The following MTSS2 variants were observed in gnomAD, a reference collection of about 807,000 sequenced individuals.
MTSS2 encodes protein MTSS 2.
Under a neutral mutation model 67.1 loss-of-function variants are expected in MTSS2, and 27 were observed. The ratio of observed to expected loss-of-function variants is 0.40; its 90% confidence interval spans 0.30 to 0.55. The LOEUF (loss-of-function observed/expected upper bound fraction) is 0.55, where lower values mean the gene tolerates loss of function less well. MTSS2 is among the 20% of genes least tolerant of loss of function. MTSS2 has a pLI of 0.43. For missense variants in MTSS2, 1,171 were observed against 1,067.8 expected, an observed-to-expected ratio of 1.10 and a Z score of -1.35; for synonymous variants, 624 against 468.6, an observed-to-expected ratio of 1.33 and a Z score of -4.28.
Position 70,676,905 on chromosome 16 carries a change from C to T in MTSS2, c.806G>A (p.Ser269Asn). ...CCTGCACATGCTGGACTTCCGGGAG[C>T]TGGAGCTGCTGGGTGATGAGGGTGG... ...QTPPSSPSSSSSRKSSMCSAP... is the reference protein window; with the variant it reads ...QTPPSSPSSSNSRKSSMCSAP... The change falls in exon 10 of 15, where the codon AGC becomes AAC. Residue 269 changes from serine (S) to asparagine (N), a missense_variant. By Grantham distance (46) the Ser-to-Asn change is conservative. Coordinates refer to ENST00000338779, the MANE Select transcript of MTSS2 (RefSeq NM_138383.3). 2 of 1,613,646 alleles carry T rather than the reference C, an allele frequency of 1.2e-6. No individual in the cohort carries two copies. The highest frequency in any genetic ancestry group is 1.1e-5 in the South Asian group (1 of 91,064).
rs1252481279 is a variant in MTSS2 at position 70,664,906 on chromosome 16, C to T, written c.1305+14G>A. On this transcript the variant is annotated intron_variant, in intron 13 of 14. Transcript: ENST00000338779. ...GACTGACCTGGGCGTGAAGGGGGGC[C>T]CTGGCCAGCCTACCTTGGCTGCGAT... 6.5e-7 allele frequency: 1 copy of T among 1,533,756 alleles called. No homozygotes were observed. The highest frequency in any genetic ancestry group is 8.7e-7 in the Non-Finnish European group (1 of 1,144,310).
intron 4 of MTSS2, 44 bp downstream of exon 4, chr16:70,679,927 G>GCC: frequency 3.4e-6 from 5 of 1,491,298 alleles, no homozygotes; most frequent in Non-Finnish European, 4.5e-6. Context: ...CCCCCGCGAC[G>GCC]CCCCGTCCCC....
At position 70,684,000 on chromosome 16, in the gene MTSS2, G is replaced by C. The variant is rs921440298; in HGVS notation, c.69+1723C>G. On this transcript the variant is annotated intron_variant, in intron 1 of 14. Transcript: ENST00000338779. ...CTCCACATGTCAGCAAATCATGCCC[G>C]ATGTCTGGCTTGAACCTCTTGCTAT... Among the ~76,000 whole-genome samples the C allele has an allele frequency of 4.6e-5, 7 of 152,198 alleles. No individual in the cohort carries two copies. In the East Asian group the frequency reaches 1.3e-3, roughly 29 times the overall value.
At chr16:70,677,220 G>T (rs187210355) in intron 9 of MTSS2, among the ~76,000 whole-genome samples, 1 of 152,192 alleles carries the variant, frequency 6.6e-6, no homozygotes, top group Non-Finnish European at 1.5e-5. Flanking sequence ...TGGGCTGGGC[G>T]AGAGTGACCC....
intron 8 of MTSS2, 81 bp from the exon 9 acceptor site, chr16:70,677,980 C>T: frequency 8.3e-7 from 1 of 1,204,588 alleles, no homozygotes; most frequent in South Asian, 1.4e-5. Context: ...AGCAGCAGCC[C>T]TTGTCGGGCC....
At chr16:70,684,641 G>C (rs1028316445) in intron 1 of MTSS2, among the ~76,000 whole-genome samples, 11 of 152,194 alleles carry the variant, frequency 7.2e-5, no homozygotes, top group African/African-American at 2.7e-4. Context: ...TGTGGGGGTG[G>C]GGGCCCTTGG....
intron 11 of MTSS2, among the ~76,000 whole-genome samples, chr16:70,671,397 G>T (rs1346061019): frequency 6.8e-6 from 1 of 147,564 alleles, no homozygotes; most frequent in African/African-American, 2.5e-5. Context: ...GCGAGAGTCT[G>T]TGTCAAAAAA....
intron 11 of MTSS2, among the ~76,000 whole-genome samples, chr16:70,669,646 T>C (rs1597806342): frequency 6.6e-6 from 1 of 151,900 alleles, no homozygotes; most frequent in South Asian, 2.1e-4. Flanking sequence ...TGAAACCCCG[T>C]CTCTACTAAA....
At position 70,663,970 on chromosome 16, in the gene MTSS2, C is replaced by G; in HGVS notation, c.1951G>C (p.Glu651Gln). Residue 651 changes from glutamate to glutamine, a missense_variant, in exon 15 of 15, where the codon GAG becomes CAG. Glu to Gln is a conservative substitution (Grantham distance 29). Coordinates refer to ENST00000338779, the MANE Select transcript of MTSS2 (RefSeq NM_138383.3). ...CCTGCCCCGGGGTACCCGGCTGCCT[C>G]TGGGGATGGGCTGCCCCAGGCTGTG... ...PNTAWGSPSP[E>Q]AAGYPGAGAE... 6.3e-7 allele frequency: 1 copy of G among 1,575,674 alleles called. No homozygotes were observed. Among genetic ancestry groups the G allele is most frequent in the Non-Finnish European group, 8.6e-7 (1 of 1,162,280 alleles).
Position 70,661,572 on chromosome 16 carries a change from T to TG in MTSS2, c.*2104dup. On this transcript the variant is annotated 3_prime_UTR_variant, in exon 15 of 15. Coordinates refer to ENST00000338779, the MANE Select transcript of MTSS2 (RefSeq NM_138383.3). ...GTCCCCCAAACCAAAGTTTGTGATG[T>TG]GGGATGGTTGGCTCGGATCCCGAGG... 1 of 351,366 alleles carries TG rather than the reference T, an allele frequency of 2.8e-6. No individual in the cohort carries two copies. The highest frequency in any genetic ancestry group is 2.2e-5 in the South Asian group (1 of 46,438). 21.8% of individuals were successfully genotyped at this position (351,366 alleles called of 1,614,324 possible).
chr16:70,674,951 A>G (rs565842330), intron 10 of MTSS2, among the ~76,000 whole-genome samples: 1 of 152,170 alleles, frequency 6.6e-6, no homozygotes, highest in Admixed American at 6.5e-5. Flanking sequence ...CATCACCACT[A>G]AAAATGCAAA....
intron 11 of MTSS2, among the ~76,000 whole-genome samples, chr16:70,668,387 G>GA (rs748168060): frequency 1.5e-4 from 23 of 148,992 alleles, no homozygotes; most frequent in Non-Finnish European, 1.0e-4. Flanking sequence ...CAGCCTGGGG[G>GA]ACAGAGTGAG....
Position 70,679,337 on chromosome 16 carries a change from G to A in MTSS2, c.458-14C>T. On this transcript the variant is annotated splice_polypyrimidine_tract_variant and intron_variant, in intron 6 of 14. Coordinates refer to ENST00000338779, the MANE Select transcript of MTSS2 (RefSeq NM_138383.3). ...TACCAAGTAGCTCTACAGGAAGGAT[G>A]TGGGAGGAGAGGAGGAGAGACAGAG... The A allele has an allele frequency of 6.2e-7, 1 of 1,613,850 alleles. No homozygotes were observed. The highest frequency in any genetic ancestry group is 8.5e-7 in the Non-Finnish European group (1 of 1,179,810).
Position 70,685,887 on chromosome 16 carries a change from G to T in MTSS2, c.-96C>A. 1.8e-6 allele frequency: 1 copy of T among 546,662 alleles called. No homozygotes were observed. The highest frequency in any genetic ancestry group is 2.3e-6 in the Non-Finnish European group (1 of 429,772). The allele number at this position is 546,662 out of a possible 1,614,324, so 33.9% of individuals were successfully genotyped here. Reference sequence around the variant, plus strand: ...CAGGCCGCGCGGGCGCTCGCTCCGAGGCCGGGCCGGGCCTCCCGCCTCCAG... The same window carrying T: ...CAGGCCGCGCGGGCGCTCGCTCCGATGCCGGGCCGGGCCTCCCGCCTCCAG... On this transcript the variant is annotated 5_prime_UTR_variant, in exon 1 of 15. Transcript: ENST00000338779.
intron 3 of MTSS2, 63 bp from the exon 4 acceptor site, chr16:70,680,118 C>T (rs927507413): frequency 1.7e-6 from 2 of 1,189,494 alleles, no homozygotes; most frequent in Admixed American, 4.5e-5. Flanking sequence ...CGGCCTCGGG[C>T]CAGGAGGGGG....
chr16:70,680,003 G>A lies in MTSS2; in HGVS notation c.258C>T (p.Arg86=). 1 of 1,541,504 alleles carries A rather than the reference G, an allele frequency of 6.5e-7. No homozygotes were observed. Among genetic ancestry groups the A allele is most frequent in the Non-Finnish European group, 8.7e-7 (1 of 1,152,552 alleles). ...SALTRMCMRH[R]SIETKLRQFT... ...ACTGCCGCAGCTTGGTCTCGATGCT[G>A]CGGTGGCGCATGCACATGCGTGTGA... Residue 86 remains arginine, a synonymous_variant, in exon 4 of 15, where the codon CGC becomes CGT. Coordinates refer to ENST00000338779, the MANE Select transcript of MTSS2 (RefSeq NM_138383.3).
intron 11 of MTSS2, among the ~76,000 whole-genome samples, chr16:70,667,538 GA>G (rs1450738275): frequency 6.6e-6 from 1 of 152,040 alleles, no homozygotes; most frequent in Non-Finnish European, 1.5e-5. Flanking sequence ...AATACCTAGG[GA>G]AAAAATTCCA....
rs955958825 is a variant in MTSS2 at position 70,673,890 on chromosome 16, C to T, written c.1053+416G>A. Among the ~76,000 whole-genome samples the T allele has an allele frequency of 7.9e-5, 12 of 152,118 alleles. No homozygotes were observed. In the East Asian group the frequency reaches 2.1e-3, roughly 27 times the overall value. The stretch of plus-strand genomic sequence containing the variant: ...ATAAAAGAAAAGAGACAGAATATAA[C>T]TTACAATCCAGCAGACGGGGAATAA... On this transcript the variant is annotated intron_variant, in intron 11 of 14. Coordinates refer to ENST00000338779, the MANE Select transcript of MTSS2 (RefSeq NM_138383.3).
rs79517074 is a variant in MTSS2 at position 70,669,399 on chromosome 16, G to A, written c.1054-3859C>T. 3.4e-3 allele frequency among the ~76,000 whole-genome samples: 514 copies of A among 152,326 alleles called. 1 individual carries two copies. Among genetic ancestry groups the A allele is most frequent in the African/African-American group, 0.012 (495 of 41,582 alleles). On this transcript the variant is annotated intron_variant, in intron 11 of 14. Transcript: ENST00000338779. ...TAACGGTCTTTAAAGGTATGAAAAGGTAGCTGGGTTCAATGGCACACATCT... is the reference window on the plus strand; with the variant it reads ...TAACGGTCTTTAAAGGTATGAAAAGATAGCTGGGTTCAATGGCACACATCT...
Sources: gnomAD v4.1 joint callset for allele counts (sites outside exome capture counted in the v4.1 genomes callset) on GRCh38, gnomAD v4.1.1 for gene constraint, MANE v1.5 for transcripts, NCBI Gene and HGNC (gene_info 2026-07-23, HGNC 2026-07-21) for gene names.